Variants in NIPBL observed in about 807,000 individuals in gnomAD.
NIPBL encodes NIPBL cohesin loading factor.
In NIPBL, 19 loss-of-function variants were observed where a neutral mutation model predicts 321.8. That is an observed-to-expected ratio of 0.06 (90% confidence interval 0.04 to 0.09). The LOEUF (loss-of-function observed/expected upper bound fraction) is 0.09. Ranked by LOEUF, NIPBL falls within the 10% of genes least tolerant of loss-of-function variation. NIPBL has a pLI of 1.00. For missense variants in NIPBL, 2,210 were observed against 3,327.0 expected (o/e 0.66, Z 8.26); for synonymous variants, 1,106 against 1,114.1 (o/e 0.99, Z 0.14).
At chr5:36,992,495 GAGTT>G (rs1471947641) in intron 10 of NIPBL, among the ~76,000 whole-genome samples, 10 of 152,004 alleles carry the variant, frequency 6.6e-5, no homozygotes, top group East Asian at 5.8e-4. Context: ...CTGTTAAACT[GAGTT>G]AGTTATCCAG....
chr5:37,000,883 C>G lies in NIPBL; in HGVS notation c.3569C>G (p.Pro1190Arg). The change falls in exon 13 of 47, where the codon CCT becomes CGT. Residue 1190 changes from proline (P) to arginine (R), a missense_variant. Physicochemically the swap from Pro to Arg is moderately radical, Grantham distance 103. Around this residue, in one of 14 missense-constraint regions of NIPBL, gnomAD observed 381 missense variants for 642.3 expected, o/e 0.59. Coordinates refer to ENST00000282516, the MANE Select transcript of NIPBL (RefSeq NM_133433.4). ...AAAGCATATGAACCAAAACTAACACCTGAAGGTAACACGTTAGTTTATTTA... is the reference window on the plus strand; with the variant it reads ...AAAGCATATGAACCAAAACTAACACGTGAAGGTAACACGTTAGTTTATTTA... ...KRKAYEPKLT[P>R]EEMMDSSTFK... The G allele has an allele frequency of 3.7e-6, 6 of 1,609,606 alleles. No homozygotes were observed. The highest frequency in any genetic ancestry group is 5.1e-6 in the Non-Finnish European group (6 of 1,176,354).
intron 1 of NIPBL, among the ~76,000 whole-genome samples, chr5:36,882,670 G>A (rs1196278794): frequency 6.6e-6 from 1 of 151,944 alleles, no homozygotes; most frequent in Non-Finnish European, 1.5e-5. Context: ...AGTGTTAGAA[G>A]TAGGATTCCA....
Position 37,063,828 on chromosome 5 carries a change from A to C in NIPBL, c.7899A>C (p.Glu2633Asp). 6.2e-7 allele frequency: 1 copy of C among 1,614,042 alleles called. No individual in the cohort carries two copies. Among genetic ancestry groups the C allele is most frequent in the Non-Finnish European group, 8.5e-7 (1 of 1,179,974 alleles). The stretch of plus-strand genomic sequence containing the variant: ...TGGAACATCTGGACCCTGATGAAGA[A>C]GAAGAAGAAGGGGAGGTTTCAGCTA... ...LLMEHLDPDE[E>D]EEEGEVSAST... Residue 2633 changes from glutamate to aspartate, a missense_variant, in exon 46 of 47, where the codon GAA becomes GAC. Coordinates refer to ENST00000282516, the MANE Select transcript of NIPBL (RefSeq NM_133433.4).
intron 1 of NIPBL, among the ~76,000 whole-genome samples, chr5:36,911,575 T>C (rs1001299685): frequency 2.6e-5 from 4 of 152,208 alleles, no homozygotes; most frequent in Admixed American, 1.3e-4. Context: ...TATTAAAAAA[T>C]CTATATTCTA....
chr5:36,941,265 T>C (rs1739027057), intron 1 of NIPBL, among the ~76,000 whole-genome samples: 1 of 152,314 alleles, frequency 6.6e-6, no homozygotes, highest in Non-Finnish European at 1.5e-5. Flanking sequence ...CTTTTGTGTT[T>C]ATATGTCATA....
intron 3 of NIPBL, 105 bp downstream of exon 3, chr5:36,955,742 A>AT: frequency 1.2e-6 from 1 of 853,272 alleles, no homozygotes; most frequent in Non-Finnish European, 1.9e-6. Context: ...TACATAGTTT[A>AT]TTTTTTAAAA....
chr5:36,908,551 G>A (rs1747817408), intron 1 of NIPBL, among the ~76,000 whole-genome samples: 2 of 152,048 alleles, frequency 1.3e-5, no homozygotes, highest in Admixed American at 1.3e-4. Flanking sequence ...TACAGGGAAC[G>A]TAGAATTGGT....
chr5:37,009,536 A>G (rs1285637247), intron 20 of NIPBL, among the ~76,000 whole-genome samples: 1 of 152,202 alleles, frequency 6.6e-6, no homozygotes, highest in African/African-American at 2.4e-5. Context: ...ATAAACATTT[A>G]TTGTCTGTTA....
In NIPBL at chr5:36,985,405, G is replaced by A. The variant is rs1354257957; in HGVS notation, c.2225G>A (p.Ser742Asn). ...GAAACTCCAAAGCAAAAAGGTGAGA[G>A]CCGCCCTGAAACTCCAAAGCAAAAA... ...RPETPKQKGE[S>N]RPETPKQKNE... The change falls in exon 10 of 47, where the codon AGC (serine) becomes AAC (asparagine). Residue 742 changes from serine to asparagine, a missense_variant. This residue lies in a region of NIPBL where 588 missense variants were observed against 564.1 expected (regional missense o/e 1.04). Coordinates refer to ENST00000282516, the MANE Select transcript of NIPBL (RefSeq NM_133433.4). 1 of 1,613,588 alleles carries A rather than the reference G, an allele frequency of 6.2e-7. No individual in the cohort carries two copies. The highest frequency in any genetic ancestry group is 1.7e-5 in the Admixed American group (1 of 59,864).
intron 20 of NIPBL, among the ~76,000 whole-genome samples, chr5:37,009,129 T>G (rs563171701): frequency 6.6e-6 from 1 of 152,316 alleles, no homozygotes; most frequent in South Asian, 2.1e-4. Flanking sequence ...AAATCATTCC[T>G]TAATATGAAC....
At chr5:37,038,987 T>C (rs1752030233) in intron 34 of NIPBL, among the ~76,000 whole-genome samples, 1 of 152,196 alleles carries the variant, frequency 6.6e-6, no homozygotes, top group African/African-American at 2.4e-5. Flanking sequence ...TAGCTATTGT[T>C]AAGATCTCAA....
At chr5:36,979,831 G>C (rs970631398) in intron 9 of NIPBL, among the ~76,000 whole-genome samples, 2 of 151,656 alleles carry the variant, frequency 1.3e-5, no homozygotes, top group Admixed American at 6.6e-5. Flanking sequence ...CTGAATCTTA[G>C]GATAGCCAGT....
intron 25 of NIPBL, among the ~76,000 whole-genome samples, chr5:37,019,748 T>C (rs572158713): frequency 5.3e-5 from 8 of 152,268 alleles, no homozygotes; most frequent in Admixed American, 1.3e-4. Context: ...AAATAAACTA[T>C]TGGATTTTTA....
chr5:37,027,462 TTTG>T (rs771763277), intron 32 of NIPBL, 50 bp downstream of exon 32: 15 of 1,426,512 alleles, frequency 1.1e-5, no homozygotes, highest in South Asian at 1.2e-5. Flanking sequence ...AGGTTAGTTT[TTTG>T]TTGTTGGTGT....
Position 37,003,240 on chromosome 5 carries a change from G to T in NIPBL, c.3769-21G>T, listed in dbSNP as rs370711208. 3.0e-6 allele frequency: 4 copies of T among 1,355,596 alleles called. No homozygotes were observed. The African/African-American group carries it at 4.3e-5, about 15-fold the overall frequency. The allele number at this position is 1,355,596 out of a possible 1,614,324, so 84.0% of individuals were successfully genotyped here. On this transcript the variant is annotated intron_variant, in intron 15 of 46. Coordinates refer to ENST00000282516, the MANE Select transcript of NIPBL (RefSeq NM_133433.4). ...ATAACTTTTACCAACGATTGATAAA[G>T]AATTTATATTGCTATTTTAGCTTTC...
At chr5:36,910,334 T>C (rs1747951761) in intron 1 of NIPBL, among the ~76,000 whole-genome samples, 1 of 152,136 alleles carries the variant, frequency 6.6e-6, no homozygotes, top group Admixed American at 6.5e-5. Flanking sequence ...ACCCTTCCTC[T>C]TGAATCCCTA....
rs74465294 is a variant in NIPBL at position 37,032,817 on chromosome 5, C to T, written c.5863-3562C>T. On this transcript the variant is annotated intron_variant, in intron 32 of 46. Coordinates refer to ENST00000282516, the MANE Select transcript of NIPBL (RefSeq NM_133433.4). The stretch of plus-strand genomic sequence containing the variant: ...TTAATGGTAGAATCTAGATGATGGT[C>T]GTTAGAGAGTGTTCATGATAAAACT... Among the ~76,000 whole-genome samples the T allele has an allele frequency of 8.8e-3, 1,333 of 152,026 alleles. 18 individuals are homozygous for T. Among genetic ancestry groups the T allele is most frequent in the African/African-American group, 0.03 (1,232 of 41,476 alleles).
chr5:37,034,133 A>G (rs1459369430), intron 32 of NIPBL, among the ~76,000 whole-genome samples: 2 of 152,162 alleles, frequency 1.3e-5, no homozygotes, highest in Non-Finnish European at 2.9e-5. Context: ...TAGGACCTAT[A>G]CTGTGTTCAA....
chr5:37,039,034 A>G (rs548293402), intron 34 of NIPBL, among the ~76,000 whole-genome samples: 1 of 152,254 alleles, frequency 6.6e-6, no homozygotes, highest in African/African-American at 2.4e-5. Flanking sequence ...TGAGAAATTT[A>G]CTATCTTTTG....
Sources: allele counts gnomAD v4.1 joint callset (sites outside exome capture counted in the v4.1 genomes callset), GRCh38; gene constraint gnomAD v4.1.1; regional missense constraint gnomAD v4.1.1; transcripts MANE v1.5; gene names NCBI Gene and HGNC (gene_info 2026-07-23, HGNC 2026-07-21).